PMPCB: variants seen among roughly 807,000 people sequenced by gnomAD.
The protein encoded by PMPCB is mitochondrial-processing peptidase subunit beta.
In PMPCB, 46 loss-of-function variants were observed where a neutral mutation model predicts 61.5. The ratio of observed to expected loss-of-function variants is 0.75; its 90% CI spans 0.59 to 0.96. The LOEUF is 0.96. Among genes scored for constraint, PMPCB ranks in the 40% least tolerant of loss-of-function variants. PMPCB has a pLI of 0.00. For missense variants in PMPCB, 590 were observed against 602.4 expected (o/e 0.98, Z 0.22); for synonymous variants, 191 against 201.6 (o/e 0.95, Z 0.44).
the PMPCB span, among the ~76,000 whole-genome samples, chr7:103,337,976 T>C: frequency 6.6e-6 from 1 of 152,108 alleles, no homozygotes; most frequent in African/African-American, 2.4e-5. Context: ...GGTTGAGAAA[T>C]GTGGATTAGG....
At chr7:103,340,713 C>G in the PMPCB span, among the ~76,000 whole-genome samples, 1 of 152,220 alleles carries the variant, frequency 6.6e-6, no homozygotes, top group Admixed American at 6.5e-5. Context: ...CCTACTAAAG[C>G]ATTATCTATT....
At chr7:103,321,662 A>T (rs1238215028) in intron 12 of PMPCB, among the ~76,000 whole-genome samples, 1 of 151,844 alleles carries the variant, frequency 6.6e-6, no homozygotes, top group East Asian at 1.9e-4. Flanking sequence ...AGCTTTGCCA[A>T]CATGGCGAAA....
the PMPCB span, among the ~76,000 whole-genome samples, chr7:103,340,684 T>C: frequency 2.0e-5 from 3 of 152,232 alleles, no homozygotes; most frequent in Admixed American, 1.3e-4. Context: ...AGCATACGCA[T>C]TTAACTATTA....
At position 103,313,564 on chromosome 7, in the gene PMPCB, C is replaced by CT. The variant is rs2115747098; in HGVS notation, c.*1294dup. The CT allele has an allele frequency of 1.0e-6, 1 of 981,318 alleles. No homozygotes were observed. The highest frequency in any genetic ancestry group is 1.7e-5 in the African/African-American group (1 of 57,254). 60.8% of individuals were successfully genotyped at this position (981,318 alleles called of 1,614,324 possible). On this transcript the variant is annotated 3_prime_UTR_variant, in exon 13 of 13. Transcript: ENST00000249269. ...CCCTGGAAATCATTCTTGTTTTACA[C>CT]TGAAGGAAACAAACCTAGCAAAATT...
downstream of PMPCB, among the ~76,000 whole-genome samples, chr7:103,319,438 A>G (rs548604003): frequency 1.3e-5 from 2 of 152,030 alleles, no homozygotes; most frequent in Non-Finnish European, 2.9e-5. Flanking sequence ...CTCTGTCTCA[A>G]AACAAAAAAC....
At chr7:103,327,566 T>G (rs957111004) in intron 12 of PMPCB, 1 of 826,560 alleles carries the variant, frequency 1.2e-6, no homozygotes, top group African/African-American at 1.7e-5. Context: ...GATAGTTGAA[T>G]GAACTACAGT....
chr7:103,315,881 GAAA>G (rs747596611), downstream of PMPCB: 1 of 1,591,978 alleles, frequency 6.3e-7, no homozygotes, highest in Non-Finnish European at 8.6e-7. Flanking sequence ...TCTGAGAAAT[GAAA>G]AAAATTTAAT....
In PMPCB at chr7:103,312,336, A is replaced by AT; in HGVS notation, c.*66dup. 1 of 1,592,258 alleles carries AT rather than the reference A, an allele frequency of 6.3e-7. No individual in the cohort carries two copies. The highest frequency in any genetic ancestry group is 8.5e-7 in the Non-Finnish European group (1 of 1,175,412). On this transcript the variant is annotated 3_prime_UTR_variant, in exon 13 of 13. Coordinates refer to ENST00000249269, the MANE Select transcript of PMPCB (RefSeq NM_004279.3). ...AAAACAGAGCTAGAGAAAAATAAAA[A>AT]TGAACATGTATATACATTTGGAAAT...
At chr7:103,307,396 T>C (rs549289128) in intron 6 of PMPCB, among the ~76,000 whole-genome samples, 200 bp from the exon 7 acceptor site, 2 of 152,330 alleles carry the variant, frequency 1.3e-5, no homozygotes, top group South Asian at 4.1e-4. Context: ...TGTCATTTGC[T>C]CTACAAAATG....
intron 12 of PMPCB, among the ~76,000 whole-genome samples, chr7:103,321,315 A>G (rs111384886): frequency 0.05 from 7,569 of 151,486 alleles, 608 homozygotes; most frequent in African/African-American, 0.18. Flanking sequence ...TCAGGAGTTC[A>G]AGACCAGCCT....
At chr7:103,300,415 G>T in intron 4 of PMPCB, 108 bp downstream of exon 4, 1 of 839,642 alleles carries the variant, frequency 1.2e-6, no homozygotes. Flanking sequence ...CCAGAAATGT[G>T]AAAAAGCGAA....
At chr7:103,331,409 A>G (rs560729174), downstream of PMPCB, among the ~76,000 whole-genome samples, 51 of 152,340 alleles carry the variant, frequency 3.3e-4, no homozygotes, top group African/African-American at 1.2e-3. Flanking sequence ...ACAATACATC[A>G]TTGTTAACTA....
rs751146952 is a variant in PMPCB at position 103,304,470 on chromosome 7, T to A, written c.716T>A (p.Ile239Lys). ...ACCACACATTATAAGGGGCCAAGAA[T>A]AGTGCTTGCTGCTGCTGGAGGTTAG... ...YITTHYKGPR[I>K]VLAAAGGVSH... The change falls in exon 6 of 13, where the codon ATA (isoleucine) becomes AAA (lysine). Residue 239 changes from isoleucine (I) to lysine (K), a missense_variant. Physicochemically the swap from Ile to Lys is moderately radical, Grantham distance 102. Coordinates refer to ENST00000249269, the MANE Select transcript of PMPCB (RefSeq NM_004279.3). 1 of 1,604,540 alleles carries A rather than the reference T, an allele frequency of 6.2e-7. No homozygotes were observed.
the PMPCB span, chr7:103,344,527 T>C: frequency 6.2e-7 from 1 of 1,612,328 alleles, no homozygotes; most frequent in Non-Finnish European, 8.5e-7. Flanking sequence ...GCAGCTGAGG[T>C]GAGAAGGAAC....
At chr7:103,328,850 T>C (rs1308563231) in intron 12 of PMPCB, 1 of 354,874 alleles carries the variant, frequency 2.8e-6, no homozygotes, top group African/African-American at 2.2e-5. Flanking sequence ...CCATTTCCAA[T>C]TTTGCATTAT....
downstream of PMPCB, chr7:103,319,602 C>T: frequency 6.2e-7 from 1 of 1,613,816 alleles, no homozygotes; most frequent in Non-Finnish European, 8.5e-7. Context: ...ATGTGTTCCT[C>T]TATTACCTGT....
rs756923301 is a variant in PMPCB, at chr7:103,297,471, G to A, written c.12G>A (p.Ala4=). 4 of 1,543,058 alleles carry A rather than the reference G, an allele frequency of 2.6e-6. No homozygotes were observed. The highest frequency in any genetic ancestry group is 3.5e-6 in the Non-Finnish European group (4 of 1,144,494). The change falls in exon 1 of 13, where the codon GCG becomes GCA. Residue 4 remains alanine, a synonymous_variant. Transcript: ENST00000249269. The stretch of plus-strand genomic sequence containing the variant: ...TCCTTCTAGCAGAAATGGCGGCTGC[G>A]GCGGCTCGAGTGGTGTTGTCATCCG... MAA[A]AARVVLSSAA...
the PMPCB span, among the ~76,000 whole-genome samples, chr7:103,339,078 AC>A: frequency 3.3e-5 from 5 of 152,244 alleles, no homozygotes; most frequent in African/African-American, 1.2e-4. Context: ...CATTTTCCAA[AC>A]TTACTTGACC....
chr7:103,298,175 T>C (rs919373504), intron 1 of PMPCB, among the ~76,000 whole-genome samples: 1 of 152,114 alleles, frequency 6.6e-6, no homozygotes, highest in Non-Finnish European at 1.5e-5. Flanking sequence ...TCTTGAACAA[T>C]GAAAACCCGA....
Sources: gnomAD v4.1 joint callset for allele counts (sites outside exome capture counted in the v4.1 genomes callset) on GRCh38, gnomAD v4.1.1 for gene constraint, MANE v1.5 for transcripts, NCBI Gene and HGNC (gene_info 2026-07-23, HGNC 2026-07-21) for gene names.